The following CCDC7 variants were observed in gnomAD, a reference collection of about 807,000 sequenced individuals.
CCDC7 encodes the protein coiled-coil domain-containing protein 7.
CCDC7 carries 183 observed loss-of-function variants against 196.9 expected under a neutral mutation model. The observed-to-expected ratio is 0.93, with a 90% confidence interval of 0.82 to 1.05. CCDC7 has a LOEUF of 1.05. Ranked by LOEUF, CCDC7 falls within the 50% of genes least tolerant of loss-of-function variation. The probability of loss-of-function intolerance (pLI) is 0.00; values close to 1 mark genes in which losing one functional copy is unlikely to be tolerated. For synonymous variants in CCDC7, 525 were observed against 484.6 expected (o/e 1.08, Z -1.10); for missense variants, 1,540 against 1,482.2 (o/e 1.04, Z -0.64).
rs368668971 is a variant in CCDC7 at position 32,653,368 on chromosome 10, C to T, written c.2015-10686C>T. The stretch of plus-strand genomic sequence containing the variant: ...AGCTGGTACTAAGTTCCAATACAGC[C>T]CCCACCCCCTGATACTTTCCTCTCC... On this transcript the variant is annotated intron_variant, in intron 20 of 41. Transcript: ENST00000639629. Among the ~76,000 whole-genome samples the T allele has an allele frequency of 6.6e-5, 10 of 152,058 alleles. No homozygotes were observed. The East Asian group carries it at 9.7e-4, about 15-fold the overall frequency.
At chr10:32,688,529 T>C (rs2076721738) in intron 22 of CCDC7, among the ~76,000 whole-genome samples, 1 of 152,216 alleles carries the variant, frequency 6.6e-6, no homozygotes, top group South Asian at 2.1e-4. Context: ...TTCTCCCTTT[T>C]GGTTTTTTTC....
upstream of CCDC7, among the ~76,000 whole-genome samples, chr10:32,449,520 G>C (rs977391340): frequency 6.6e-6 from 1 of 151,528 alleles, no homozygotes; most frequent in African/African-American, 2.4e-5. Flanking sequence ...TTTTTCCGTT[G>C]TCAAGTTGTT....
At chr10:32,487,935 G>C (rs1050396085) in intron 8 of CCDC7, among the ~76,000 whole-genome samples, 1 of 152,186 alleles carries the variant, frequency 6.6e-6, no homozygotes, top group Non-Finnish European at 1.5e-5. Context: ...AGGGGTCAGG[G>C]ACCCACTTGA....
At chr10:32,737,897 T>C (rs992904593) in intron 28 of CCDC7, among the ~76,000 whole-genome samples, 1 of 152,176 alleles carries the variant, frequency 6.6e-6, no homozygotes, top group African/African-American at 2.4e-5. Flanking sequence ...TTACTTTTAA[T>C]CTTATCATTT....
At chr10:32,810,323 A>G (rs1333162452) in intron 30 of CCDC7, among the ~76,000 whole-genome samples, 1 of 152,200 alleles carries the variant, frequency 6.6e-6, no homozygotes, top group Non-Finnish European at 1.5e-5. Flanking sequence ...AGGAATGGAA[A>G]AAATATTCCA....
intron 15 of CCDC7, 72 bp downstream of exon 16, chr10:32,567,963 T>G (rs2057065542): frequency 7.1e-7 from 1 of 1,402,450 alleles, no homozygotes; most frequent in African/African-American, 1.5e-5. Flanking sequence ...ATTATTTACT[T>G]CATTTGTATA....
chr10:32,630,744 T>C (rs1324971315), intron 18 of CCDC7, among the ~76,000 whole-genome samples: 1 of 152,200 alleles, frequency 6.6e-6, no homozygotes, highest in Non-Finnish European at 1.5e-5. Flanking sequence ...TTCTGATCTG[T>C]ATAATATTCA....
intron 39 of CCDC7, 73 bp downstream of exon 40, chr10:32,848,791 T>C: frequency 8.6e-7 from 1 of 1,168,120 alleles, no homozygotes; most frequent in Non-Finnish European, 1.2e-6. Context: ...TGCTTTTTCA[T>C]TTACTCTTTT....
At chr10:32,579,264 G>A (rs2058517261) in intron 16 of CCDC7, among the ~76,000 whole-genome samples, 1 of 151,822 alleles carries the variant, frequency 6.6e-6, no homozygotes, top group Non-Finnish European at 1.5e-5. Context: ...AAACAGACTA[G>A]CATTGCATAG....
intron 24 of CCDC7, among the ~76,000 whole-genome samples, chr10:32,703,835 G>C (rs936800577): frequency 6.6e-6 from 1 of 152,006 alleles, no homozygotes; most frequent in Non-Finnish European, 1.5e-5. Context: ...CATTCGTCAC[G>C]TAGTTCTCGT....
chr10:32,735,129 T>C (rs919204389), intron 28 of CCDC7, among the ~76,000 whole-genome samples: 1 of 152,124 alleles, frequency 6.6e-6, no homozygotes, highest in Admixed American at 6.6e-5. Context: ...GTCCAACGAT[T>C]TCTTCATTAA....
chr10:32,764,529 T>A (rs2077972307), intron 28 of CCDC7, among the ~76,000 whole-genome samples: 1 of 151,878 alleles, frequency 6.6e-6, no homozygotes, highest in Admixed American at 6.6e-5. Flanking sequence ...TTTGGTTGGC[T>A]GAAAATGGAC....
At chr10:32,722,867 G>A (rs914489230) in intron 25 of CCDC7, among the ~76,000 whole-genome samples, 3 of 152,058 alleles carry the variant, frequency 2.0e-5, no homozygotes, top group Non-Finnish European at 2.9e-5. Context: ...GAAATGCAAT[G>A]CTCCTCTATA....
intron 8 of CCDC7, 57 bp from the exon 10 acceptor site, chr10:32,491,865 A>T: frequency 6.8e-7 from 1 of 1,473,522 alleles, no homozygotes; most frequent in Non-Finnish European, 9.1e-7. Context: ...TTTAGCATAG[A>T]GCTATAACTT....
intron 21 of CCDC7, among the ~76,000 whole-genome samples, chr10:32,666,154 C>G (rs2072653155): frequency 7.0e-6 from 1 of 143,402 alleles, no homozygotes; most frequent in Non-Finnish European, 1.5e-5. Context: ...AAAGAAGTTT[C>G]ACCGGTGTTA....
intron 12 of CCDC7, 115 bp from the exon 14 acceptor site, chr10:32,544,131 AT>A (rs201760346): frequency 2.4e-6 from 2 of 835,182 alleles, no homozygotes; most frequent in Non-Finnish European, 3.6e-6. Context: ...AGAAATATGA[AT>A]TTTTTTAAAA....
intron 18 of CCDC7, among the ~76,000 whole-genome samples, chr10:32,624,111 G>A (rs1018190310): frequency 5.9e-5 from 9 of 152,090 alleles, no homozygotes; most frequent in Non-Finnish European, 1.5e-5. Context: ...CTTATTCAAT[G>A]CACTAGAACA....
intron 28 of CCDC7, among the ~76,000 whole-genome samples, chr10:32,776,138 G>A (rs1273484052): frequency 2.7e-5 from 4 of 147,992 alleles, no homozygotes; most frequent in African/African-American, 1.0e-4. Context: ...TGGTGGGGTG[G>A]GGGAATGGGG....
rs137974458 is a variant in CCDC7 at position 32,464,119 on chromosome 10, G to A, written c.510+1070G>A. Among the ~76,000 whole-genome samples, 319 of 152,122 alleles carry A rather than the reference G, an allele frequency of 2.1e-3. 1 individual carries two copies. The highest frequency in any genetic ancestry group is 7.2e-3 in the African/African-American group (300 of 41,508). ...ATGTACATGACCTATCCAAAACCCT[G>A]GCTTCTCACTTTCTTGACTTCCTCA... On this transcript the variant is annotated intron_variant, in intron 5 of 41. Coordinates refer to ENST00000639629, the Ensembl canonical transcript of CCDC7.
Sources: gnomAD v4.1 joint callset for allele counts (sites outside exome capture counted in the v4.1 genomes callset) on GRCh38, gnomAD v4.1.1 for gene constraint, MANE v1.5 for transcripts, NCBI Gene and HGNC (gene_info 2026-07-23, HGNC 2026-07-21) for gene names.